Variants in FAAH2 observed in about 807,000 individuals in gnomAD.
The protein encoded by FAAH2 is fatty-acid amide hydrolase 2.
In FAAH2, 60 loss-of-function variants were observed where a neutral mutation model predicts 36.9. That is an observed-to-expected ratio of 1.63 (90% CI 1.32 to 2.02). FAAH2 has a LOEUF of 2.02. FAAH2 is among the 30% of genes most tolerant of loss of function. The pLI, the probability that FAAH2 is intolerant of heterozygous loss-of-function variation, is 0.00. For missense variants in FAAH2, 689 were observed against 397.5 expected (o/e 1.73, Z -6.23); for synonymous variants, 214 against 143.8 (o/e 1.49, Z -3.49).
the FAAH2 span, among the ~76,000 whole-genome samples, chrX:57,245,735 A>T: frequency 7.1e-5 from 8 of 112,709 alleles, no homozygotes; most frequent in East Asian, 2.2e-3. Flanking sequence ...CCATGTTTAG[A>T]GGGAAAATTA....
intron 10 of FAAH2, among the ~76,000 whole-genome samples, chrX:57,463,748 AAAC>A (rs2057000992): frequency 8.9e-6 from 1 of 111,965 alleles, no homozygotes; most frequent in Non-Finnish European, 1.9e-5. Context: ...AAAAGTCTGG[AAAC>A]AACAGTTGCT....
chrX:57,360,361 C>T (rs1032772663), intron 5 of FAAH2, among the ~76,000 whole-genome samples: 1 of 109,565 alleles, frequency 9.1e-6, no homozygotes, highest in African/African-American at 3.3e-5. Flanking sequence ...CTTCACTTTC[C>T]TTCATTTGTT....
In FAAH2 at chrX:57,364,939, T is replaced by A. The variant is rs768874228; in HGVS notation, c.743-13712T>A. ...AGTGTAGTTGTTATTATATATTTTT[T>A]AAAATTAGTTTGGATGTGTTTTATG... On this transcript the variant is annotated intron_variant, in intron 5 of 10. Coordinates refer to ENST00000374900, the MANE Select transcript of FAAH2 (RefSeq NM_174912.4). 7.1e-4 allele frequency among the ~76,000 whole-genome samples: 79 copies of A among 111,892 alleles called. No individual in the cohort carries two copies. The Admixed American group carries it at 7.2e-3, about 10-fold the overall frequency.
chrX:57,286,195 T>G (rs59900319), upstream of FAAH2, among the ~76,000 whole-genome samples: 1,138 of 111,950 alleles, frequency 0.01, 17 homozygotes, highest in African/African-American at 0.036. Flanking sequence ...GGCTGGAGAT[T>G]TGATGTTCAT....
At chrX:57,254,432 C>A in the FAAH2 span, among the ~76,000 whole-genome samples, 1 of 111,889 alleles carries the variant, frequency 8.9e-6, no homozygotes, top group African/African-American at 3.2e-5. Flanking sequence ...GCCTAATAGG[C>A]ATCTATAGAA....
rs766710234 is a variant in FAAH2, at chrX:57,341,290, G to A, written c.642G>A (p.Leu214=). 10 of 1,207,326 alleles carry A rather than the reference G, an allele frequency of 8.3e-6. No homozygotes were observed. The South Asian group carries it at 1.8e-4, about 21-fold the overall frequency. ...TTGTAGGTGGTGAGGGCTGCACACT[G>A]GCAGCTGCCTGCTCAGTTATTGGTG... ...GGSSGGEGCT[L]AAACSVIGVG... The change falls in exon 5 of 11, where the codon CTG becomes CTA. Residue 214 remains leucine, a synonymous_variant. Coordinates refer to ENST00000374900, the MANE Select transcript of FAAH2 (RefSeq NM_174912.4).
the FAAH2 span, among the ~76,000 whole-genome samples, chrX:57,138,654 G>A: frequency 2.7e-5 from 3 of 110,866 alleles, no homozygotes; most frequent in African/African-American, 3.3e-5. Flanking sequence ...TTTCATAATG[G>A]CTATGCTAAT....
At chrX:57,334,534 TAGAG>T (rs960718681) in intron 4 of FAAH2, among the ~76,000 whole-genome samples, 2 of 110,281 alleles carry the variant, frequency 1.8e-5, no homozygotes, top group African/African-American at 6.6e-5. Flanking sequence ...AGAAAATTAT[TAGAG>T]AAAGATTGAA....
chrX:57,167,221 TAAAC>T, the FAAH2 span, among the ~76,000 whole-genome samples: 1 of 111,120 alleles, frequency 9.0e-6, no homozygotes, highest in African/African-American at 3.3e-5. Flanking sequence ...CTGTAACACA[TAAAC>T]AAAACGGCCC....
At chrX:57,412,556 C>G (rs188180152) in intron 7 of FAAH2, among the ~76,000 whole-genome samples, 188 of 111,966 alleles carry the variant, frequency 1.7e-3, no homozygotes, top group Admixed American at 3.6e-3. Flanking sequence ...ATGAACTCAT[C>G]CTTCTTTTCT....
At chrX:57,320,788 G>A (rs1467488409) in intron 3 of FAAH2, among the ~76,000 whole-genome samples, 1 of 112,307 alleles carries the variant, frequency 8.9e-6, no homozygotes, top group African/African-American at 3.2e-5. Context: ...AATCAGTGAT[G>A]GACTGGATAA....
the FAAH2 span, among the ~76,000 whole-genome samples, chrX:57,260,495 G>C: frequency 9.0e-6 from 1 of 111,584 alleles, no homozygotes; most frequent in Non-Finnish European, 1.9e-5. Context: ...TCTTAGGTTT[G>C]GCAAAGATTT....
At chrX:57,419,429 A>G (rs1319341063) in intron 7 of FAAH2, among the ~76,000 whole-genome samples, 1 of 111,816 alleles carries the variant, frequency 8.9e-6, no homozygotes, top group African/African-American at 3.3e-5. Context: ...GTGAGATGAT[A>G]TCTCATTGTG....
chrX:57,213,524 G>A, the FAAH2 span, among the ~76,000 whole-genome samples: 1 of 111,135 alleles, frequency 9.0e-6, no homozygotes. Flanking sequence ...TTGGTATTTT[G>A]TGGTTTCATT....
At chrX:57,163,261 C>T in the FAAH2 span, among the ~76,000 whole-genome samples, 1 of 111,958 alleles carries the variant, frequency 8.9e-6, no homozygotes, top group African/African-American at 3.2e-5. Flanking sequence ...CTGCTCTCTT[C>T]AAAGCTGTCA....
At position 57,376,916 on chromosome X, in the gene FAAH2, G is replaced by A. The variant is rs187040384; in HGVS notation, c.743-1735G>A. Reference sequence around the variant, plus strand: ...TTTCTCTAATGACCAGTGATGATGAGCTTTTTTTTGCATATGTTTGTTGGC... The same window carrying A: ...TTTCTCTAATGACCAGTGATGATGAACTTTTTTTTGCATATGTTTGTTGGC... On this transcript the variant is annotated intron_variant, in intron 5 of 10. Transcript: ENST00000374900. 7.1e-5 allele frequency among the ~76,000 whole-genome samples: 8 copies of A among 112,281 alleles called. 1 individual carries two copies. The South Asian group carries it at 2.6e-3, about 36-fold the overall frequency.
intron 4 of FAAH2, among the ~76,000 whole-genome samples, chrX:57,333,729 G>A (rs1480019400): frequency 1.8e-5 from 2 of 111,319 alleles, no homozygotes; most frequent in Non-Finnish European, 3.8e-5. Context: ...ATGCAAAGAG[G>A]AAGAAAAAGA....
At chrX:57,264,409 C>T in the FAAH2 span, among the ~76,000 whole-genome samples, 28 of 112,216 alleles carry the variant, frequency 2.5e-4, no homozygotes, top group Admixed American at 8.4e-4. Flanking sequence ...GACGCATATG[C>T]GGCCAACAAG....
chrX:57,286,600 A>C, upstream of FAAH2: 1 of 308,146 alleles, frequency 3.2e-6, no homozygotes. Context: ...AACAGCACTA[A>C]CGACAGGTAG....
Sources: allele counts gnomAD v4.1 joint callset (sites outside exome capture counted in the v4.1 genomes callset), GRCh38; gene constraint gnomAD v4.1.1; transcripts MANE v1.5; gene names NCBI Gene and HGNC (gene_info 2026-07-23, HGNC 2026-07-21).